Variants in CSMD3 observed in about 807,000 individuals in gnomAD.
The protein encoded by CSMD3 is CUB and sushi domain-containing protein 3.
CSMD3 carries 177 observed loss-of-function variants against 435.2 expected under a neutral mutation model. The ratio of observed to expected loss-of-function variants is 0.41; its 90% CI spans 0.36 to 0.46. The LOEUF (loss-of-function observed/expected upper bound fraction) is 0.46, where lower values mean the gene tolerates loss of function less well. Ranked by LOEUF, CSMD3 falls within the 20% of genes least tolerant of loss-of-function variation. The pLI, the probability that CSMD3 is intolerant of heterozygous loss-of-function variation, is 0.34. For missense variants in CSMD3, 4,265 were observed against 4,504.6 expected, an observed-to-expected ratio of 0.95 and a Z score of 1.52; for synonymous variants, 1,656 against 1,520.5, an observed-to-expected ratio of 1.09 and a Z score of -2.07.
rs2130074926 is a variant in CSMD3 at position 112,408,906 on chromosome 8, T to C, written c.5509+13A>G. Reference sequence around the variant, plus strand: ...ATCAGTAACTGATGCATGGCAGTTCTATTAAAGGATACCTGAATGGGATCC... The same window carrying C: ...ATCAGTAACTGATGCATGGCAGTTCCATTAAAGGATACCTGAATGGGATCC... On this transcript the variant is annotated intron_variant, in intron 33 of 70. Transcript: ENST00000297405. 1 of 1,613,382 alleles carries C rather than the reference T, an allele frequency of 6.2e-7. No individual in the cohort carries two copies. Among genetic ancestry groups the C allele is most frequent in the Non-Finnish European group, 8.5e-7 (1 of 1,179,482 alleles).
At position 112,572,792 on chromosome 8, in the gene CSMD3, G is replaced by A. The variant is rs112708309; in HGVS notation, c.4042+709C>T. Among the ~76,000 whole-genome samples, 1,419 of 152,036 alleles carry A rather than the reference G, an allele frequency of 9.3e-3. 22 individuals carry two copies. The highest frequency in any genetic ancestry group is 0.033 in the African/African-American group (1,363 of 41,510). On this transcript the variant is annotated intron_variant, in intron 24 of 70. Transcript: ENST00000297405. ...AATTTATTAGCAAAGAATCCTGAAC[G>A]GAGTAGAAAATCAAGAAATATATTA...
rs2076598564 is a variant in CSMD3, at chr8:112,710,989, GCAGAGCCCCA to G, written c.1973-20949_1973-20940del. ...AAGCCCAGCCAGCCAACAGGGTAAAGCAGAGCCCCACAGGCCAGTTCACTACATTGAACTA... is the reference window on the plus strand; with the variant it reads ...AAGCCCAGCCAGCCAACAGGGTAAAGCAGGCCAGTTCACTACATTGAACTA... On this transcript the variant is annotated intron_variant, in intron 13 of 70. Coordinates refer to ENST00000297405, the MANE Select transcript of CSMD3 (RefSeq NM_198123.2). Among the ~76,000 whole-genome samples, 3 of 151,872 alleles carry G rather than the reference GCAGAGCCCCA, an allele frequency of 2.0e-5. No individual in the cohort carries two copies. The South Asian group carries it at 6.2e-4, about 32-fold the overall frequency.
chr8:112,591,902 G>C (rs1453110137), intron 22 of CSMD3, among the ~76,000 whole-genome samples: 1 of 151,568 alleles, frequency 6.6e-6, no homozygotes, highest in Admixed American at 6.6e-5. Flanking sequence ...CATTAAGTTA[G>C]GACACCATTG....
chr8:112,380,303 T>C, intron 38 of CSMD3, 49 bp downstream of exon 38: 5 of 982,452 alleles, frequency 5.1e-6, no homozygotes, highest in Non-Finnish European at 6.6e-6. Flanking sequence ...TTTTAATTAA[T>C]ATAAACTTGT....
chr8:112,334,616 A>G lies in CSMD3; in HGVS notation c.7165+713T>C, dbSNP rs139992152. ...TAGCAGATAAAAGGATGTAATCATTATAGATAAATAGCCATTTTCTTATTA... is the reference window on the plus strand; with the variant it reads ...TAGCAGATAAAAGGATGTAATCATTGTAGATAAATAGCCATTTTCTTATTA... On this transcript the variant is annotated intron_variant, in intron 45 of 70. Transcript: ENST00000297405. Among the ~76,000 whole-genome samples the G allele has an allele frequency of 2.1e-3, 319 of 152,356 alleles. 1 individual carries two copies. The highest frequency in any genetic ancestry group is 6.3e-3 in the African/African-American group (262 of 41,584).
intron 4 of CSMD3, among the ~76,000 whole-genome samples, chr8:113,169,877 CTT>C (rs1422849550): frequency 6.6e-6 from 1 of 152,154 alleles, no homozygotes; most frequent in Non-Finnish European, 1.5e-5. Flanking sequence ...TTAGGCTTCA[CTT>C]TGTACAGAAT....
At chr8:112,806,323 C>G (rs1321691979) in intron 12 of CSMD3, among the ~76,000 whole-genome samples, 1 of 152,140 alleles carries the variant, frequency 6.6e-6, no homozygotes, top group Non-Finnish European at 1.5e-5. Flanking sequence ...AATTTTAACT[C>G]AAAAGTTGGG....
chr8:112,861,033 T>C (rs2080813245), intron 10 of CSMD3, among the ~76,000 whole-genome samples: 1 of 151,882 alleles, frequency 6.6e-6, no homozygotes, highest in African/African-American at 2.4e-5. Context: ...GGAAGCACTT[T>C]CAATTAAATA....
intron 10 of CSMD3, among the ~76,000 whole-genome samples, chr8:112,918,242 T>A (rs2082630258): frequency 1.3e-5 from 2 of 151,958 alleles, no homozygotes; most frequent in Admixed American, 1.3e-4. Context: ...AATAACAATT[T>A]CATGCTTTTT....
At chr8:112,263,070 G>T (rs1816578546) in intron 61 of CSMD3, among the ~76,000 whole-genome samples, 1 of 147,860 alleles carries the variant, frequency 6.8e-6, no homozygotes, top group Non-Finnish European at 1.5e-5. Context: ...AGTTTGTTTT[G>T]TTTTGTGTTC....
chr8:113,280,829 A>G (rs1281251371), intron 2 of CSMD3, among the ~76,000 whole-genome samples: 1 of 151,904 alleles, frequency 6.6e-6, no homozygotes, highest in East Asian at 1.9e-4. Flanking sequence ...CCTTTGCTGT[A>G]TCACAGAGGT....
chr8:113,109,576 C>A (rs1388198708), intron 4 of CSMD3, among the ~76,000 whole-genome samples: 1 of 152,176 alleles, frequency 6.6e-6, no homozygotes, highest in East Asian at 1.9e-4. Context: ...GAATAATATT[C>A]TTTGGCTCAA....
At chr8:113,108,565 C>T (rs1200047548) in intron 4 of CSMD3, among the ~76,000 whole-genome samples, 7 of 151,992 alleles carry the variant, frequency 4.6e-5, no homozygotes, top group East Asian at 1.9e-4. Flanking sequence ...CATAACTATT[C>T]GCAGATTCCA....
chr8:112,432,404 C>A (rs535241118), intron 32 of CSMD3, among the ~76,000 whole-genome samples: 1 of 152,044 alleles, frequency 6.6e-6, no homozygotes, highest in Non-Finnish European at 1.5e-5. Context: ...CCAGGGCTCA[C>A]GTGATTCTCC....
intron 32 of CSMD3, among the ~76,000 whole-genome samples, chr8:112,454,012 T>G (rs1012940312): frequency 6.6e-6 from 1 of 152,134 alleles, no homozygotes; most frequent in Non-Finnish European, 1.5e-5. Context: ...AATTCTCTAA[T>G]CAATAATTGG....
chr8:112,829,211 T>TA (rs1421305524), intron 12 of CSMD3, among the ~76,000 whole-genome samples: 1 of 152,178 alleles, frequency 6.6e-6, no homozygotes, highest in Non-Finnish European at 1.5e-5. Context: ...TCTGTTAAAA[T>TA]ATAGATTGAT....
At chr8:113,126,370 T>C (rs538389547) in intron 4 of CSMD3, among the ~76,000 whole-genome samples, 1 of 151,940 alleles carries the variant, frequency 6.6e-6, no homozygotes, top group Non-Finnish European at 1.5e-5. Flanking sequence ...TACTTGAAAA[T>C]TCATGGGCAC....
chr8:113,179,149 T>G (rs533795224), intron 3 of CSMD3, among the ~76,000 whole-genome samples: 42 of 151,916 alleles, frequency 2.8e-4, no homozygotes, highest in Admixed American at 2.1e-3. Flanking sequence ...GCCAAAATGA[T>G]GTATGCATAT....
At chr8:113,217,263 A>C (rs2132110182) in intron 3 of CSMD3, among the ~76,000 whole-genome samples, 1 of 151,846 alleles carries the variant, frequency 6.6e-6, no homozygotes, top group Middle Eastern at 3.4e-3. Context: ...ATACAAACCC[A>C]CTACAACATA....
Sources: allele counts gnomAD v4.1 joint callset (sites outside exome capture counted in the v4.1 genomes callset), GRCh38; gene constraint gnomAD v4.1.1; transcripts MANE v1.5; gene names NCBI Gene and HGNC (gene_info 2026-07-23, HGNC 2026-07-21).